C4orf51: variants seen among roughly 807,000 people sequenced by gnomAD.
The protein encoded by C4orf51 is chromosome 4 open reading frame 51.
Under a neutral mutation model 25.2 loss-of-function variants are expected in C4orf51, and 25 were observed. The ratio of observed to expected loss-of-function variants is 0.99; its 90% confidence interval spans 0.72 to 1.39. The LOEUF is 1.39. Among genes scored for constraint, C4orf51 ranks in the 40% most tolerant of loss-of-function variants. The pLI is 0.00. For missense variants in C4orf51, 252 were observed against 239.6 expected, an observed-to-expected ratio of 1.05 and a Z score of -0.34; for synonymous variants, 100 against 84.5, an observed-to-expected ratio of 1.18 and a Z score of -1.01.
intron 2 of C4orf51, among the ~76,000 whole-genome samples, chr4:145,700,706 C>T (rs559121011): frequency 7.2e-5 from 11 of 152,238 alleles, no homozygotes; most frequent in Admixed American, 3.9e-4. Context: ...CCTTCCTTCC[C>T]GCCTGTCCCC....
At chr4:145,785,248 T>C in the C4orf51 span, among the ~76,000 whole-genome samples, 1 of 152,134 alleles carries the variant, frequency 6.6e-6, no homozygotes, top group African/African-American at 2.4e-5. Context: ...TGAGGACTAG[T>C]TGGCCAAAAT....
chr4:145,790,276 G>A, the C4orf51 span, among the ~76,000 whole-genome samples: 11 of 152,068 alleles, frequency 7.2e-5, no homozygotes, highest in Non-Finnish European at 1.6e-4. Flanking sequence ...CTTTTCTCTT[G>A]TTTGTCATTG....
At chr4:145,747,938 G>GTAGGA (rs1396453940) in intron 1 of C4orf51, among the ~76,000 whole-genome samples, 1 of 152,054 alleles carries the variant, frequency 6.6e-6, no homozygotes, top group African/African-American at 2.4e-5. Context: ...AATAGTTTGA[G>GTAGGA]TAGGATTGGT....
downstream of C4orf51, chr4:145,771,140 G>A (rs1296844674): frequency 1.3e-5 from 2 of 152,094 alleles, no homozygotes; most frequent in African/African-American, 2.4e-5. Context: ...CAGTTTATAG[G>A]AATACTCTAT....
At chr4:145,684,890 C>T (rs1254671998) in intron 1 of C4orf51, among the ~76,000 whole-genome samples, 5 of 151,720 alleles carry the variant, frequency 3.3e-5, no homozygotes, top group Non-Finnish European at 7.4e-5. Flanking sequence ...TTTCTAACAA[C>T]CAAATAGGAG....
chr4:145,729,242 C>T lies in C4orf51; in HGVS notation c.427+13C>T, dbSNP rs1403888714. 1.9e-6 allele frequency: 3 copies of T among 1,556,610 alleles called. No individual in the cohort carries two copies. Among genetic ancestry groups the T allele is most frequent in the Non-Finnish European group, 2.7e-6 (3 of 1,131,856 alleles). On this transcript the variant is annotated intron_variant, in intron 4 of 5. Transcript: ENST00000438731. ...TATGGAAAATACTGTAAGTCCCATC[C>T]TGAACTACTACTTTACATCCATTTT...
At chr4:145,681,884 G>A (rs985045174) in intron 1 of C4orf51, among the ~76,000 whole-genome samples, 1 of 152,108 alleles carries the variant, frequency 6.6e-6, no homozygotes, top group Non-Finnish European at 1.5e-5. Context: ...CTATTGCATT[G>A]GGGATTAAAT....
intron 2 of C4orf51, among the ~76,000 whole-genome samples, chr4:145,720,325 C>T (rs1731661640): frequency 6.6e-6 from 1 of 152,126 alleles, no homozygotes; most frequent in Non-Finnish European, 1.5e-5. Flanking sequence ...TCCAAGGCCT[C>T]CTCTGTTCTG....
intron 1 of C4orf51, among the ~76,000 whole-genome samples, chr4:145,742,272 G>C (rs559700656): frequency 6.6e-6 from 1 of 152,234 alleles, no homozygotes; most frequent in African/African-American, 2.4e-5. Flanking sequence ...GCTTGTCTCT[G>C]GCTTCTCTGT....
chr4:145,690,397 C>T (rs553606136), intron 1 of C4orf51, among the ~76,000 whole-genome samples: 2 of 151,794 alleles, frequency 1.3e-5, no homozygotes, highest in South Asian at 2.1e-4. Flanking sequence ...CCCAGCTACT[C>T]GGGAGGCTGA....
intron 3 of C4orf51, among the ~76,000 whole-genome samples, chr4:145,727,797 G>A (rs985307677): frequency 1.3e-5 from 2 of 148,490 alleles, no homozygotes; most frequent in Admixed American, 1.4e-4. Flanking sequence ...CAGGAGAGTT[G>A]CTTGAAGCCG....
intron 2 of C4orf51, among the ~76,000 whole-genome samples, chr4:145,720,321 GCCT>G (rs910888590): frequency 2.6e-5 from 4 of 152,074 alleles, no homozygotes; most frequent in African/African-American, 9.7e-5. Context: ...CCTCTCCAAG[GCCT>G]CCTCTGTTCT....
At chr4:145,719,587 T>TCA (rs1223083206) in intron 2 of C4orf51, among the ~76,000 whole-genome samples, 1 of 41,924 alleles carries the variant, frequency 2.4e-5, no homozygotes, top group Admixed American at 3.0e-4. Flanking sequence ...AGACTCTGTC[T>TCA]CAAAAAAAAA....
chr4:145,712,205 A>G (rs1731170380), intron 2 of C4orf51, among the ~76,000 whole-genome samples: 1 of 152,126 alleles, frequency 6.6e-6, no homozygotes, highest in Admixed American at 6.5e-5. Flanking sequence ...TAACCCTACA[A>G]TGGCCTCTAA....
rs543077817 is a variant in C4orf51 at position 145,729,791 on chromosome 4, T to G, written c.428-101T>G. On this transcript the variant is annotated intron_variant, in intron 4 of 5. Transcript: ENST00000438731. Reference sequence around the variant, plus strand: ...GGGGCTGTGTATGTGAAGGTTTGGATCTATTGATTTAAAACAAGGTTTGGG... The same window carrying G: ...GGGGCTGTGTATGTGAAGGTTTGGAGCTATTGATTTAAAACAAGGTTTGGG... 7 of 922,730 alleles carry G rather than the reference T, an allele frequency of 7.6e-6. No homozygotes were observed. In the East Asian group the frequency reaches 1.7e-4, roughly 23 times the overall value. The allele number at this position is 922,730 out of a possible 1,614,324, so 57.2% of individuals were successfully genotyped here.
intron 1 of C4orf51, among the ~76,000 whole-genome samples, chr4:145,682,661 G>C (rs993737017): frequency 1.3e-5 from 2 of 152,260 alleles, no homozygotes; most frequent in Middle Eastern, 3.4e-3. Flanking sequence ...TAAAAGTCTT[G>C]ATCATTTGGT....
chr4:145,705,944 C>G (rs959593264), intron 2 of C4orf51, among the ~76,000 whole-genome samples: 2 of 152,160 alleles, frequency 1.3e-5, no homozygotes, highest in African/African-American at 4.8e-5. Context: ...GGGTTGCTAG[C>G]TGATTCCAAT....
chr4:145,745,339 G>A (rs1481213445), intron 1 of C4orf51, among the ~76,000 whole-genome samples: 1 of 45,670 alleles, frequency 2.2e-5, no homozygotes, highest in East Asian at 1.3e-3. Context: ...TTTTTTTTTG[G>A]TACCCATTAG....
Position 145,763,652 on chromosome 4 carries a change from C to T in C4orf51, n.167-7336C>T, listed in dbSNP as rs1473185090. Among the ~76,000 whole-genome samples, 2 of 152,216 alleles carry T rather than the reference C, an allele frequency of 1.3e-5. No individual in the cohort carries two copies. The highest frequency in any genetic ancestry group is 2.9e-5 in the Non-Finnish European group (2 of 68,046). On this transcript the variant is annotated intron_variant and non_coding_transcript_variant, in intron 1 of 1. Transcript: ENST00000510096. The surrounding 1 kb of genome is among the most constrained non-coding windows in gnomAD (Gnocchi z 4.6). ...AATGTTCATGGGTGTGACTGGGCTACTGGGAAGGGCAGTGAGCACTGGTCC... is the reference window on the plus strand; with the variant it reads ...AATGTTCATGGGTGTGACTGGGCTATTGGGAAGGGCAGTGAGCACTGGTCC...
Sources: allele counts gnomAD v4.1 joint callset (sites outside exome capture counted in the v4.1 genomes callset), GRCh38; gene constraint gnomAD v4.1.1; non-coding constraint Gnocchi (gnomAD v3.1); transcripts MANE v1.5; gene names NCBI Gene and HGNC (gene_info 2026-07-23, HGNC 2026-07-21).